The following DPPA4 variants were observed in gnomAD, a reference collection of about 807,000 sequenced individuals.
DPPA4 encodes the protein developmental pluripotency-associated protein 4.
A neutral mutation model predicts 33.7 loss-of-function variants in DPPA4; 22 were observed. The observed-to-expected ratio is 0.65, with a 90% CI of 0.47 to 0.93. The LOEUF is 0.93. Ranked by LOEUF, DPPA4 falls within the 40% of genes least tolerant of loss-of-function variation. DPPA4 has a pLI of 0.00. For synonymous variants in DPPA4, 156 were observed against 132.3 expected (o/e 1.18, Z -1.23); for missense variants, 340 against 358.6 (o/e 0.95, Z 0.42).
Position 109,328,007 on chromosome 3 carries a change from TTTA to T in DPPA4, c.893_895del (p.Ile298del). On this transcript the variant is annotated inframe_deletion, in exon 7 of 7. Transcript: ENST00000335658. ...GATATTCTATTCCCATTGGAGGCTT[TTTA>T]TTAAGACCTTGTTCCTATAAAGCAA... is the stretch of plus-strand genomic sequence containing the variant. The T allele has an allele frequency of 1.3e-6, 2 of 1,542,556 alleles. No individual in the cohort carries two copies. Among genetic ancestry groups the T allele is most frequent in the Middle Eastern group, 1.8e-4 (1 of 5,604 alleles).
chr3:109,332,199 TCAAGTGATTCTCC>T, intron 2 of DPPA4, 168 bp from the exon 3 acceptor site: 1 of 484,102 alleles, frequency 2.1e-6, no homozygotes, highest in Non-Finnish European at 3.6e-6. Flanking sequence ...CCTCGTGGGT[TCAAGTGATTCTCC>T]TGCCTCAGCC....
At position 109,326,638 on chromosome 3, in the gene DPPA4, T is replaced by C. The variant is rs547339855; in HGVS notation, c.*1350A>G. 265 of 152,268 alleles carry C rather than the reference T, an allele frequency of 1.7e-3. No individual in the cohort carries two copies. Among genetic ancestry groups the C allele is most frequent in the African/African-American group, 6.1e-3 (253 of 41,556 alleles). The allele number at this position is 152,268 out of a possible 1,614,324, so 9.4% of individuals were successfully genotyped here. ...ACAAAACAATGTTGGAAACTGTCATTAAATCAGGATAAGTGAAAAACAGAT... is the reference window on the plus strand; with the variant it reads ...ACAAAACAATGTTGGAAACTGTCATCAAATCAGGATAAGTGAAAAACAGAT... On this transcript the variant is annotated 3_prime_UTR_variant, in exon 7 of 7. Transcript: ENST00000335658.
chr3:109,335,706 A>G (rs1708179603), intron 1 of DPPA4, among the ~76,000 whole-genome samples: 1 of 151,988 alleles, frequency 6.6e-6, no homozygotes, highest in Non-Finnish European at 1.5e-5. Flanking sequence ...CTGGGATTAC[A>G]GGCGTGTGCC....
At chr3:109,332,185 T>C (rs1708096241) in intron 2 of DPPA4, 154 bp from the exon 3 acceptor site, 4 of 561,944 alleles carry the variant, frequency 7.1e-6, no homozygotes, top group Non-Finnish European at 6.0e-6. Flanking sequence ...CCCTGCAACC[T>C]CCGCCTCGTG....
chr3:109,329,046 T>C lies in DPPA4; in HGVS notation c.722A>G (p.Asp241Gly). The change falls in exon 6 of 7, where the codon GAC becomes GGC. Residue 241 changes from aspartate (D) to glycine (G), a missense_variant. By Grantham distance (94) the Asp-to-Gly change is moderately conservative. This residue lies in a region of DPPA4 where 212 missense variants were observed against 206.5 expected (regional missense o/e 1.03). Transcript: ENST00000335658. Reference sequence around the variant, plus strand: ...CTGCAGGTGAACCCAACCATCTGTGTCTGCAGGGAGACTTTTCCCATGGAC... The same window carrying C: ...CTGCAGGTGAACCCAACCATCTGTGCCTGCAGGGAGACTTTTCCCATGGAC... ...CVVHGKSLPA[D>G]TDGWVHLQFH... is the part of the protein sequence containing the mutation. 6.2e-7 allele frequency: 1 copy of C among 1,614,080 alleles called. No homozygotes were observed. The highest frequency in any genetic ancestry group is 8.5e-7 in the Non-Finnish European group (1 of 1,180,016).
intron 1 of DPPA4, among the ~76,000 whole-genome samples, chr3:109,334,388 T>C (rs141417938): frequency 3.3e-5 from 5 of 152,082 alleles, no homozygotes; most frequent in Non-Finnish European, 7.4e-5. Context: ...TGCCTCTACA[T>C]AAGGAAACAA....
At chr3:109,333,349 CAAAAAAAAAAAAAAAAAA>C (rs56044946) in intron 2 of DPPA4, 23 of 97,562 alleles carry the variant, frequency 2.4e-4, no homozygotes, top group Non-Finnish European at 4.0e-5. Context: ...CTTGGTGTCT[CAAAAAAAAAAAAAAAAAA>C]AAAAAAAAAA....
In DPPA4 at chr3:109,327,798, GTCTC is replaced by G; in HGVS notation, c.*186_*189del. 1 of 494,200 alleles carries G rather than the reference GTCTC, an allele frequency of 2.0e-6. No homozygotes were observed. Among genetic ancestry groups the G allele is most frequent in the South Asian group, 4.7e-5 (1 of 21,462 alleles). 30.6% of individuals were successfully genotyped at this position (494,200 alleles called of 1,614,324 possible). On this transcript the variant is annotated 3_prime_UTR_variant, in exon 7 of 7. Transcript: ENST00000335658. ...TGTTTTTCCATTTTTAAATGTAAGA[GTCTC>G]TATCTCCACTCACAAAGCAACAGGC... is the stretch of plus-strand genomic sequence containing the variant.
In DPPA4 at chr3:109,334,194, C is replaced by A. The variant is rs113619759; in HGVS notation, c.55-201G>T. ...CAATGATGGAAAAAAAGGGAGGAAG[C>A]CAGTTTGAAAGCACATGAAAAGACA... On this transcript the variant is annotated intron_variant, in intron 1 of 6. Coordinates refer to ENST00000335658, the MANE Select transcript of DPPA4 (RefSeq NM_018189.4). 3.1e-3 allele frequency among the ~76,000 whole-genome samples: 473 copies of A among 152,248 alleles called. 1 individual carries two copies. The highest frequency in any genetic ancestry group is 0.011 in the African/African-American group (446 of 41,532).
At chr3:109,338,597 T>G (rs558537737), upstream of DPPA4, among the ~76,000 whole-genome samples, 1 of 152,268 alleles carries the variant, frequency 6.6e-6, no homozygotes, top group Admixed American at 6.5e-5. Flanking sequence ...GAGACTGTCT[T>G]TATCCAAATG....
rs1178896630 is a variant in DPPA4, at chr3:109,330,715, G to C, written c.488C>G (p.Thr163Arg). ...KGETSLQSSE[T>R]HPPEVALPPV... Reference sequence around the variant, plus strand: ...AGGAAGAGCCACTTCAGGAGGATGTGTCTCAGAACTTTGCAGGGACGTTTC... The same window carrying C: ...AGGAAGAGCCACTTCAGGAGGATGTCTCTCAGAACTTTGCAGGGACGTTTC... Residue 163 changes from threonine (T) to arginine (R), a missense_variant, in exon 5 of 7, where the codon ACA becomes AGA. Thr to Arg is a moderately conservative substitution (Grantham distance 71). Around this residue, in one of 3 missense-constraint regions of DPPA4, gnomAD observed 212 missense variants for 206.5 expected, o/e 1.03. Transcript: ENST00000335658. 3 of 1,614,040 alleles carry C rather than the reference G, an allele frequency of 1.9e-6. No homozygotes were observed. The highest frequency in any genetic ancestry group is 1.3e-5 in the African/African-American group (1 of 74,926).
chr3:109,337,196 G>T (rs908026522), intron 1 of DPPA4, among the ~76,000 whole-genome samples: 1 of 149,736 alleles, frequency 6.7e-6, no homozygotes, highest in Admixed American at 6.6e-5. Flanking sequence ...CACCGCGCCC[G>T]GCCTCTTTTT....
At chr3:109,336,161 T>A (rs1211507059) in intron 1 of DPPA4, among the ~76,000 whole-genome samples, 5 of 151,546 alleles carry the variant, frequency 3.3e-5, no homozygotes, top group South Asian at 2.1e-4. Context: ...AAAAAAAAAA[T>A]TAATATAATA....
In DPPA4 at chr3:109,337,249, AC is replaced by A. The variant is rs575541436; in HGVS notation, c.54+214del. Among the ~76,000 whole-genome samples, 901 of 150,314 alleles carry A rather than the reference AC, an allele frequency of 6.0e-3. 8 individuals carry two copies. The highest frequency in any genetic ancestry group is 0.021 in the African/African-American group (853 of 40,862). ...TGACACACTCAACCTCCTCAACTAA[AC>A]CTAGAAAACCTCATTTCTTACTTGT... On this transcript the variant is annotated intron_variant, in intron 1 of 6. Transcript: ENST00000335658.
Position 109,327,923 on chromosome 3 carries a change from G to T in DPPA4, c.*65C>A, listed in dbSNP as rs543283305. 3 of 1,195,414 alleles carry T rather than the reference G, an allele frequency of 2.5e-6. No individual in the cohort carries two copies. The highest frequency in any genetic ancestry group is 1.5e-5 in the African/African-American group (1 of 65,934). The allele number at this position is 1,195,414 out of a possible 1,614,324, so 74.1% of individuals were successfully genotyped here. ...CCAGAGTTCACCTGTCAGCAGCACC[G>T]CAGAATCCAACTCTCCAGCTTTTCT... On this transcript the variant is annotated 3_prime_UTR_variant, in exon 7 of 7. Transcript: ENST00000335658.
chr3:109,338,046 C>T (rs1708248535), upstream of DPPA4, among the ~76,000 whole-genome samples: 1 of 152,148 alleles, frequency 6.6e-6, no homozygotes, highest in African/African-American at 2.4e-5. Context: ...TTTTCATCTG[C>T]CAACGAACTA....
chr3:109,334,015 C>T, intron 1 of DPPA4, 22 bp from the exon 2 acceptor site: 1 of 1,613,244 alleles, frequency 6.2e-7, no homozygotes, highest in African/African-American at 1.3e-5. Flanking sequence ...AGGAGCTGGT[C>T]AGTCATTCCT....
At chr3:109,331,824 T>C (rs1422250581) in intron 3 of DPPA4, 40 bp from the exon 4 acceptor site, 14 of 1,613,398 alleles carry the variant, frequency 8.7e-6, no homozygotes, top group Non-Finnish European at 1.2e-5. Flanking sequence ...GCAAATAAGG[T>C]TCCTACCCTT....
chr3:109,328,971 C>G lies in DPPA4; in HGVS notation c.797G>C (p.Ser266Thr), dbSNP rs1707995393. The change falls in exon 6 of 7, where the codon AGT (serine) becomes ACT (threonine). Residue 266 changes from serine (S) to threonine (T), a missense_variant. Around this residue, in one of 3 missense-constraint regions of DPPA4, gnomAD observed 212 missense variants for 206.5 expected, o/e 1.03. Transcript: ENST00000335658. Reference sequence around the variant, plus strand: ...GGAGGCAGGAAGCAAGAAGAGTGCACTCACTCTCCCTTCTTGCTTTTCTGG... The same window carrying G: ...GGAGGCAGGAAGCAAGAAGAGTGCAGTCACTCTCCCTTCTTGCTTTTCTGG... Reference protein sequence around the residue: ...WVPEKQEGRVSALFLLPASNF... With the variant: ...WVPEKQEGRVTALFLLPASNF... The G allele has an allele frequency of 4.3e-6, 7 of 1,613,724 alleles. No individual in the cohort carries two copies. The highest frequency in any genetic ancestry group is 5.1e-6 in the Non-Finnish European group (6 of 1,179,822).
Sources: gnomAD v4.1 joint callset for allele counts (sites outside exome capture counted in the v4.1 genomes callset) on GRCh38, gnomAD v4.1.1 for gene constraint, gnomAD v4.1.1 regional missense constraint, MANE v1.5 for transcripts, NCBI Gene and HGNC (gene_info 2026-07-23, HGNC 2026-07-21) for gene names.